The following MMP26 variants were observed in gnomAD, a reference collection of about 807,000 sequenced individuals.
The protein encoded by MMP26 is matrix metallopeptidase 26.
In MMP26, 33 loss-of-function variants were observed where a neutral mutation model predicts 31.0. The ratio of observed to expected loss-of-function variants is 1.06; its 90% CI spans 0.81 to 1.42. The LOEUF is 1.42. Among genes scored for constraint, MMP26 ranks in the 40% most tolerant of loss-of-function variants. The probability of loss-of-function intolerance (pLI) is 0.00; values close to 1 mark genes in which losing one functional copy is unlikely to be tolerated. For missense variants in MMP26, 347 were observed against 316.1 expected, an observed-to-expected ratio of 1.10 and a Z score of -0.74; for synonymous variants, 122 against 114.9, an observed-to-expected ratio of 1.06 and a Z score of -0.40.
intron 2 of MMP26, chr11:4,860,124 T>G (rs1380091506): frequency 4.2e-6 from 2 of 471,118 alleles, no homozygotes; most frequent in Non-Finnish European, 8.8e-6. Context: ...GGACAGCTAT[T>G]CCAGTCTTTC....
chr11:4,755,203 A>G (rs554073732), intron 1 of MMP26, among the ~76,000 whole-genome samples: 1 of 145,938 alleles, frequency 6.9e-6, no homozygotes, highest in East Asian at 2.0e-4. Flanking sequence ...GTCTTTCCCA[A>G]CTTTCTATTA....
intron 1 of MMP26, among the ~76,000 whole-genome samples, chr11:4,727,942 C>T (rs1249027039): frequency 6.6e-6 from 1 of 152,140 alleles, no homozygotes; most frequent in Non-Finnish European, 1.5e-5. Flanking sequence ...GTAAAAATGT[C>T]ACAACACTGC....
chr11:4,722,296 TTTTG>T (rs1186945317), intron 1 of MMP26, among the ~76,000 whole-genome samples: 4 of 152,134 alleles, frequency 2.6e-5, no homozygotes, highest in South Asian at 2.1e-4. Context: ...TTATTCTGAA[TTTTG>T]TTTATTTCCT....
At chr11:4,770,052 C>T in intron 2 of MMP26, 1 of 597,376 alleles carries the variant, frequency 1.7e-6, no homozygotes, top group Admixed American at 3.0e-5. Flanking sequence ...ATAAGATCTG[C>T]ATCATTGAGA....
At chr11:4,717,436 A>G (rs1225133224) in intron 1 of MMP26, among the ~76,000 whole-genome samples, 1 of 152,184 alleles carries the variant, frequency 6.6e-6, no homozygotes, top group Non-Finnish European at 1.5e-5. Flanking sequence ...GGATGAGAAA[A>G]ACATAGTTGT....
chr11:4,857,039 A>T (rs953869844), intron 2 of MMP26, among the ~76,000 whole-genome samples: 5 of 152,228 alleles, frequency 3.3e-5, no homozygotes, highest in African/African-American at 1.2e-4. Flanking sequence ...ACAAAGACAC[A>T]ACATACCAGA....
intron 2 of MMP26, among the ~76,000 whole-genome samples, chr11:4,838,754 A>G (rs1849755777): frequency 6.6e-6 from 1 of 152,138 alleles, no homozygotes; most frequent in Admixed American, 6.5e-5. Context: ...ACAGAACAAG[A>G]TGTAGGAATA....
At chr11:4,854,702 T>C (rs1850024411) in intron 2 of MMP26, among the ~76,000 whole-genome samples, 1 of 152,176 alleles carries the variant, frequency 6.6e-6, no homozygotes, top group Admixed American at 6.5e-5. Flanking sequence ...TTTGACAGCT[T>C]TGAAGAGAGT....
chr11:4,989,974 G>A (rs752158364), intron 4 of MMP26, 106 bp downstream of exon 4: 19 of 905,720 alleles, frequency 2.1e-5, no homozygotes, highest in Non-Finnish European at 3.2e-5. Context: ...GCTTTCATTG[G>A]CAGCCCGCTC....
intron 1 of MMP26, among the ~76,000 whole-genome samples, chr11:4,749,181 A>C (rs1274816373): frequency 6.6e-6 from 1 of 152,024 alleles, no homozygotes; most frequent in Non-Finnish European, 1.5e-5. Flanking sequence ...TAAGAACTCA[A>C]CCTCATTTAT....
intron 2 of MMP26, among the ~76,000 whole-genome samples, chr11:4,857,221 T>G (rs1163317269): frequency 1.3e-5 from 2 of 150,206 alleles, no homozygotes; most frequent in African/African-American, 2.5e-5. Flanking sequence ...ATAACTAAGA[T>G]CAGAGCAGAA....
At chr11:4,745,507 T>C (rs918835894) in intron 1 of MMP26, among the ~76,000 whole-genome samples, 6 of 152,226 alleles carry the variant, frequency 3.9e-5, no homozygotes, top group African/African-American at 1.2e-4. Flanking sequence ...TTCCCATATA[T>C]GCCTCCCAGC....
intron 2 of MMP26, among the ~76,000 whole-genome samples, chr11:4,900,477 A>T (rs534689667): frequency 6.6e-5 from 10 of 152,318 alleles, no homozygotes; most frequent in African/African-American, 2.4e-4. Flanking sequence ...GAGAAGTTTT[A>T]TCAGCCTTGT....
At chr11:4,750,056 A>G (rs1188798127) in intron 1 of MMP26, among the ~76,000 whole-genome samples, 1 of 152,136 alleles carries the variant, frequency 6.6e-6, no homozygotes, top group Non-Finnish European at 1.5e-5. Context: ...AATATTCAGA[A>G]TCTACGAGGA....
In MMP26 at chr11:4,883,207, T is replaced by G. The variant is rs569211315; in HGVS notation, c.-144-104861T>G. On this transcript the variant is annotated intron_variant, in intron 2 of 7. Transcript: ENST00000380390. ...AGTAATTTTTAGACCAGAAGTAAAT[T>G]AAAATTTTATTTTCACATCCAGCTG... 3.7e-3 allele frequency among the ~76,000 whole-genome samples: 538 copies of G among 147,072 alleles called. 2 individuals are homozygous for G. The highest frequency in any genetic ancestry group is 0.017 in the Middle Eastern group (5 of 292).
At chr11:4,872,990 C>T (rs1850331209) in intron 2 of MMP26, among the ~76,000 whole-genome samples, 2 of 152,098 alleles carry the variant, frequency 1.3e-5, no homozygotes, top group Admixed American at 1.3e-4. Context: ...TCTCATCTTG[C>T]TTTCCATGTG....
At chr11:4,911,088 C>T (rs1850984429) in intron 2 of MMP26, among the ~76,000 whole-genome samples, 1 of 152,184 alleles carries the variant, frequency 6.6e-6, no homozygotes, top group South Asian at 2.1e-4. Flanking sequence ...CCTGCAGTCA[C>T]TGCAAATTCT....
intron 2 of MMP26, among the ~76,000 whole-genome samples, chr11:4,889,257 A>G (rs1055465482): frequency 6.6e-6 from 1 of 152,078 alleles, no homozygotes; most frequent in African/African-American, 2.4e-5. Flanking sequence ...ACGGCATAGT[A>G]TATGCATCTT....
At chr11:4,834,845 T>C (rs1418587877) in intron 2 of MMP26, among the ~76,000 whole-genome samples, 2 of 152,224 alleles carry the variant, frequency 1.3e-5, no homozygotes, top group African/African-American at 4.8e-5. Flanking sequence ...GATCTCAATA[T>C]GGTCTTCAGA....
Sources: gnomAD v4.1 joint callset for allele counts (sites outside exome capture counted in the v4.1 genomes callset) on GRCh38, gnomAD v4.1.1 for gene constraint, MANE v1.5 for transcripts, NCBI Gene and HGNC (gene_info 2026-07-23, HGNC 2026-07-21) for gene names.